The following RANBP17 variants were observed in gnomAD, a reference collection of about 807,000 sequenced individuals.
The protein encoded by RANBP17 is RAN binding protein 17.
In RANBP17, 158 loss-of-function variants were observed where a neutral mutation model predicts 141.2. The observed-to-expected ratio is 1.12, with a 90% CI of 0.98 to 1.28. RANBP17 has a LOEUF of 1.28. Ranked by LOEUF, RANBP17 falls within the 50% of genes most tolerant of loss-of-function variation. RANBP17 has a pLI of 0.00. For synonymous variants in RANBP17, 430 were observed against 450.0 expected, an observed-to-expected ratio of 0.96 and a Z score of 0.56; for missense variants, 1,438 against 1,290.7, an observed-to-expected ratio of 1.11 and a Z score of -1.75.
At chr5:171,259,739 G>C (rs1220406026) in intron 24 of RANBP17, among the ~76,000 whole-genome samples, 1 of 152,158 alleles carries the variant, frequency 6.6e-6, no homozygotes, top group African/African-American at 2.4e-5. Flanking sequence ...CCAGCACTTT[G>C]GGAGGCTGAG....
chr5:170,970,002 A>G (rs559711887), intron 14 of RANBP17, among the ~76,000 whole-genome samples: 371 of 152,006 alleles, frequency 2.4e-3, no homozygotes, highest in Non-Finnish European at 4.2e-3. Context: ...TTACCTGCCA[A>G]TCTGTCTTAA....
intron 14 of RANBP17, among the ~76,000 whole-genome samples, chr5:171,092,312 C>G (rs1786354232): frequency 6.6e-6 from 1 of 152,160 alleles, no homozygotes; most frequent in Non-Finnish European, 1.5e-5. Flanking sequence ...TGTTACAGAT[C>G]TAAGAATACT....
At chr5:171,125,502 A>G (rs1756384145) in intron 14 of RANBP17, among the ~76,000 whole-genome samples, 1 of 152,120 alleles carries the variant, frequency 6.6e-6, no homozygotes, top group Non-Finnish European at 1.5e-5. Flanking sequence ...TCAACAGTGG[A>G]GCACTGAGAT....
At chr5:171,090,717 T>C (rs1189741639) in intron 14 of RANBP17, among the ~76,000 whole-genome samples, 2 of 152,188 alleles carry the variant, frequency 1.3e-5, no homozygotes, top group South Asian at 4.1e-4. Context: ...TCTAGGGACT[T>C]GGTGCCCTGT....
In RANBP17 at chr5:170,994,381, A is replaced by C. The variant is rs578207754; in HGVS notation, c.1710+26004A>C. 2.0e-5 allele frequency among the ~76,000 whole-genome samples: 3 copies of C among 152,248 alleles called. No homozygotes were observed. The South Asian group carries it at 6.2e-4, about 32-fold the overall frequency. On this transcript the variant is annotated intron_variant, in intron 14 of 27. Coordinates refer to ENST00000523189, the MANE Select transcript of RANBP17 (RefSeq NM_022897.5). ...TTTTTGCCTGATTGTAGGAGAATCC[A>C]AGATACTTGTTTAAAACACAGATTC...
At chr5:171,140,500 G>C (rs1757614186) in intron 14 of RANBP17, among the ~76,000 whole-genome samples, 1 of 152,172 alleles carries the variant, frequency 6.6e-6, no homozygotes, top group Non-Finnish European at 1.5e-5. Flanking sequence ...TGTTAGCAGA[G>C]TTTGGGCTAT....
At chr5:171,167,829 A>C (rs1759810736) in intron 14 of RANBP17, among the ~76,000 whole-genome samples, 1 of 152,200 alleles carries the variant, frequency 6.6e-6, no homozygotes, top group Non-Finnish European at 1.5e-5. Flanking sequence ...ATAAAATTAA[A>C]GACAATTGCT....
chr5:170,978,849 CAATT>C (rs775436173), intron 14 of RANBP17, among the ~76,000 whole-genome samples: 4 of 151,932 alleles, frequency 2.6e-5, no homozygotes, highest in East Asian at 1.9e-4. Flanking sequence ...TATTTTGCCT[CAATT>C]AATTTTTTTT....
At chr5:170,897,322 A>C (rs1770217782) in intron 5 of RANBP17, 1 of 598,426 alleles carries the variant, frequency 1.7e-6, no homozygotes, top group African/African-American at 1.9e-5. Flanking sequence ...GAGGAGAATC[A>C]GGATCTGGGC....
chr5:170,975,748 C>T (rs141173553), intron 14 of RANBP17, among the ~76,000 whole-genome samples: 1,634 of 152,172 alleles, frequency 0.011, 25 homozygotes, highest in African/African-American at 0.038. Context: ...ACGAATTTCC[C>T]GCATTTTTTC....
At chr5:170,977,203 C>T (rs1264159664) in intron 14 of RANBP17, among the ~76,000 whole-genome samples, 2 of 151,886 alleles carry the variant, frequency 1.3e-5, no homozygotes. Context: ...AGACATTTCT[C>T]CAAAGAAAAT....
At position 170,892,381 on chromosome 5, in the gene RANBP17, T is replaced by C; in HGVS notation, c.257-6T>C. The C allele has an allele frequency of 1.9e-6, 3 of 1,604,638 alleles. No homozygotes were observed. The highest frequency in any genetic ancestry group is 2.6e-6 in the Non-Finnish European group (3 of 1,175,892). On this transcript the variant is annotated splice_region_variant and splice_polypyrimidine_tract_variant and intron_variant, in intron 3 of 27. Transcript: ENST00000523189. The stretch of plus-strand genomic sequence containing the variant: ...CCAGATGACCCATGGAGTGTTTTCT[T>C]TGTAGGAAACTACATTCTGAATTAC...
chr5:171,141,637 A>AAAT (rs1380213917), intron 14 of RANBP17, among the ~76,000 whole-genome samples: 2 of 151,032 alleles, frequency 1.3e-5, no homozygotes, highest in East Asian at 3.9e-4. Context: ...AAAAAAAAAA[A>AAAT]AAAAAGTGAA....
At chr5:171,051,432 TTCTG>T (rs1430697568) in intron 14 of RANBP17, among the ~76,000 whole-genome samples, 3 of 152,254 alleles carry the variant, frequency 2.0e-5, no homozygotes, top group African/African-American at 7.2e-5. Context: ...CTAATCTACT[TTCTG>T]TCTGTATAGA....
intron 13 of RANBP17, among the ~76,000 whole-genome samples, chr5:170,964,967 C>T (rs62393882): frequency 0.61 from 92,091 of 151,858 alleles, 29,223 homozygotes; most frequent in South Asian, 0.87. Flanking sequence ...CCTGAGGAAT[C>T]GCCACACTGA....
chr5:171,131,241 C>T (rs74537570), intron 14 of RANBP17, among the ~76,000 whole-genome samples: 7,993 of 152,216 alleles, frequency 0.053, 264 homozygotes, highest in East Asian at 0.12. Context: ...ATATAAAATT[C>T]TCCTTAAAAA....
At chr5:171,278,338 G>A (rs560942124) in intron 25 of RANBP17, among the ~76,000 whole-genome samples, 88 of 152,166 alleles carry the variant, frequency 5.8e-4, no homozygotes, top group African/African-American at 2.1e-3. Context: ...CCAACATGGT[G>A]AAACCCCGTC....
intron 7 of RANBP17, among the ~76,000 whole-genome samples, chr5:170,912,858 C>T (rs1771645537): frequency 2.0e-5 from 3 of 151,702 alleles, no homozygotes; most frequent in Non-Finnish European, 2.9e-5. Context: ...TTGAAAGATC[C>T]CACCAAGTTC....
intron 16 of RANBP17, 64 bp downstream of exon 16, chr5:171,171,350 C>A: frequency 1.2e-6 from 1 of 869,194 alleles, no homozygotes; most frequent in Non-Finnish European, 1.8e-6. Flanking sequence ...TTTAATTAAC[C>A]AGGTATTCTC....
Sources: allele counts gnomAD v4.1 joint callset (sites outside exome capture counted in the v4.1 genomes callset), GRCh38; gene constraint gnomAD v4.1.1; transcripts MANE v1.5; gene names NCBI Gene and HGNC (gene_info 2026-07-23, HGNC 2026-07-21).